The following PPP1R1C variants were observed in gnomAD, a reference collection of about 807,000 sequenced individuals.
PPP1R1C encodes the protein protein phosphatase 1 regulatory subunit 1C.
Under a neutral mutation model 17.4 loss-of-function variants are expected in PPP1R1C, and 15 were observed. The ratio of observed to expected loss-of-function variants is 0.86; its 90% CI spans 0.58 to 1.33. PPP1R1C has a LOEUF of 1.33. PPP1R1C is among the 40% of genes most tolerant of loss of function. The probability of loss-of-function intolerance (pLI) is 0.00; values close to 1 mark genes in which losing one functional copy is unlikely to be tolerated. For missense variants in PPP1R1C, 143 were observed against 130.0 expected (o/e 1.10, Z -0.48); for synonymous variants, 35 against 43.1 (o/e 0.81, Z 0.73).
At chr2:181,960,826 G>A (rs552221470) in intron 1 of PPP1R1C, among the ~76,000 whole-genome samples, 11 of 152,312 alleles carry the variant, frequency 7.2e-5, no homozygotes, top group Non-Finnish European at 7.3e-5. Context: ...AAAGTACAAC[G>A]TAATCAAATC....
intron 4 of PPP1R1C, among the ~76,000 whole-genome samples, chr2:182,095,093 A>G (rs1365618176): frequency 6.6e-6 from 1 of 152,106 alleles, no homozygotes; most frequent in Non-Finnish European, 1.5e-5. Flanking sequence ...GTTGAAGACC[A>G]ACCTGGCCAA....
At chr2:181,960,905 T>C (rs976275119) in intron 1 of PPP1R1C, among the ~76,000 whole-genome samples, 1 of 152,232 alleles carries the variant, frequency 6.6e-6, no homozygotes, top group African/African-American at 2.4e-5. Context: ...GAAATTCCAT[T>C]GAAATGCGTT....
At chr2:182,071,286 C>T (rs1307696245) in intron 4 of PPP1R1C, among the ~76,000 whole-genome samples, 1 of 152,094 alleles carries the variant, frequency 6.6e-6, no homozygotes, top group Non-Finnish European at 1.5e-5. Context: ...TTGTGATGAC[C>T]TTAAACGTTT....
intron 2 of PPP1R1C, among the ~76,000 whole-genome samples, chr2:182,045,136 A>T (rs1305137553): frequency 6.6e-6 from 1 of 152,208 alleles, no homozygotes; most frequent in Admixed American, 6.5e-5. Flanking sequence ...CCTCAAGTAA[A>T]TTACATTTGA....
intron 2 of PPP1R1C, among the ~76,000 whole-genome samples, chr2:182,058,059 A>G (rs1574417332): frequency 6.6e-6 from 1 of 152,086 alleles, no homozygotes; most frequent in Non-Finnish European, 1.5e-5. Context: ...TTTAATTGTT[A>G]CAATTAATAA....
At chr2:182,063,636 A>G (rs905166234) in intron 3 of PPP1R1C, 95 bp from the exon 4 acceptor site, 4 of 938,020 alleles carry the variant, frequency 4.3e-6, no homozygotes, top group Admixed American at 1.8e-5. Context: ...AAAGCTTTTC[A>G]TAACATGGCA....
intron 2 of PPP1R1C, among the ~76,000 whole-genome samples, chr2:182,020,345 G>A (rs946309094): frequency 7.2e-5 from 11 of 152,138 alleles, no homozygotes; most frequent in Non-Finnish European, 1.3e-4. Context: ...ATGTTCATGC[G>A]TTCTGGAATT....
chr2:182,066,348 A>C (rs1443331298), intron 4 of PPP1R1C, among the ~76,000 whole-genome samples: 3 of 152,086 alleles, frequency 2.0e-5, no homozygotes, highest in African/African-American at 7.2e-5. Context: ...TCTATTATTC[A>C]TTCTATTTTC....
intron 4 of PPP1R1C, among the ~76,000 whole-genome samples, chr2:182,107,914 T>G (rs1294737639): frequency 6.6e-6 from 1 of 151,920 alleles, no homozygotes; most frequent in Non-Finnish European, 1.5e-5. Context: ...GAACGTTTTG[T>G]GCTTTTCTCT....
In PPP1R1C at chr2:182,124,339, G is replaced by GTT. The variant is rs1378403544; in HGVS notation, c.*7-4623_*7-4622dup. 3.8e-3 allele frequency among the ~76,000 whole-genome samples: 199 copies of GTT among 52,118 alleles called. 3 individuals are homozygous for GTT. Among genetic ancestry groups the GTT allele is most frequent in the African/African-American group, 0.013 (191 of 15,256 alleles). The allele number at this position is 52,118 out of a possible 152,430, so 34.2% of individuals were successfully genotyped here. On this transcript the variant is annotated intron_variant, in intron 5 of 5. Coordinates refer to the PPP1R1C transcript ENST00000280295. ...GTTTTTTTTTTTTGTTTTTTTTTTT[G>GTT]TTTTTTTTTTTTTGCTTAGGATTGT...
At chr2:182,028,615 GA>G (rs1686703308) in intron 2 of PPP1R1C, among the ~76,000 whole-genome samples, 1 of 152,066 alleles carries the variant, frequency 6.6e-6, no homozygotes, top group Admixed American at 6.6e-5. Flanking sequence ...ATTTGCTGAG[GA>G]AAGCTTTACT....
intron 2 of PPP1R1C, among the ~76,000 whole-genome samples, chr2:181,978,045 A>G (rs1471881847): frequency 1.3e-5 from 2 of 152,224 alleles, no homozygotes; most frequent in African/African-American, 4.8e-5. Flanking sequence ...GAGGCCTCAC[A>G]ATCATGGTGG....
At chr2:182,083,159 A>C (rs1688530755) in intron 4 of PPP1R1C, among the ~76,000 whole-genome samples, 1 of 152,144 alleles carries the variant, frequency 6.6e-6, no homozygotes, top group South Asian at 2.1e-4. Flanking sequence ...AGATTAGATT[A>C]TTGTCATACT....
chr2:181,988,406 A>G (rs1230245163), intron 2 of PPP1R1C, among the ~76,000 whole-genome samples: 4 of 152,250 alleles, frequency 2.6e-5, no homozygotes, highest in Admixed American at 1.3e-4. Flanking sequence ...AGCACTGCCT[A>G]TTTGAGAGCC....
At chr2:181,955,100 T>C (rs1684649598) in intron 1 of PPP1R1C, among the ~76,000 whole-genome samples, 2 of 152,234 alleles carry the variant, frequency 1.3e-5, no homozygotes, top group South Asian at 4.1e-4. Flanking sequence ...TTGAGGTTCG[T>C]GTTTATAAAA....
intron 4 of PPP1R1C, among the ~76,000 whole-genome samples, chr2:182,091,491 A>T (rs572997836): frequency 1.2e-3 from 165 of 139,770 alleles, no homozygotes; most frequent in African/African-American, 5.2e-3. Flanking sequence ...AAAATAATAA[A>T]AAAAAAAGGT....
At chr2:181,977,360 T>C (rs1312835879) in intron 2 of PPP1R1C, among the ~76,000 whole-genome samples, 1 of 152,028 alleles carries the variant, frequency 6.6e-6, no homozygotes, top group African/African-American at 2.4e-5. Context: ...CCTGGTCTTC[T>C]TACTCCTCTG....
Position 182,108,245 on chromosome 2 carries a change from C to T in PPP1R1C, c.242-8962C>T, listed in dbSNP as rs183982929. ...AAAATAGGAAAAAATTCTATTTGAC[C>T]TCACTGTTCCTATAGCTAATACAGT... On this transcript the variant is annotated intron_variant, in intron 4 of 4. Coordinates refer to ENST00000682840, the MANE Select transcript of PPP1R1C (RefSeq NM_001080545.3). 2.0e-5 allele frequency among the ~76,000 whole-genome samples: 3 copies of T among 152,104 alleles called. No homozygotes were observed. In the East Asian group the frequency reaches 5.8e-4, roughly 29 times the overall value.
chr2:182,010,160 G>C (rs929654768), intron 2 of PPP1R1C, among the ~76,000 whole-genome samples: 1 of 151,572 alleles, frequency 6.6e-6, no homozygotes, highest in Non-Finnish European at 1.5e-5. Flanking sequence ...TCTGTGAAAA[G>C]TGTCATTGGT....
Sources: gnomAD v4.1 joint callset for allele counts (sites outside exome capture counted in the v4.1 genomes callset) on GRCh38, gnomAD v4.1.1 for gene constraint, MANE v1.5 for transcripts, NCBI Gene and HGNC (gene_info 2026-07-23, HGNC 2026-07-21) for gene names.